AP3B1: variants seen among roughly 807,000 people sequenced by gnomAD.
AP3B1 encodes the protein AP-3 complex subunit beta-1.
A neutral mutation model predicts 132.5 loss-of-function variants in AP3B1; 61 were observed. The observed-to-expected ratio is 0.46, with a 90% CI of 0.37 to 0.57. The LOEUF is 0.57. Ranked by LOEUF, AP3B1 falls within the 20% of genes least tolerant of loss-of-function variation. The pLI is 0.00. For missense variants in AP3B1, 1,120 were observed against 1,289.4 expected, an observed-to-expected ratio of 0.87 and a Z score of 2.01; for synonymous variants, 388 against 438.3, an observed-to-expected ratio of 0.89 and a Z score of 1.43.
chr5:78,125,368 C>T (rs1227322845), intron 17 of AP3B1, among the ~76,000 whole-genome samples: 1 of 152,046 alleles, frequency 6.6e-6, no homozygotes, highest in Non-Finnish European at 1.5e-5. Flanking sequence ...ATTATCTAAA[C>T]CTAGGTCATT....
intron 1 of AP3B1, among the ~76,000 whole-genome samples, chr5:78,283,732 A>G (rs902693555): frequency 2.0e-5 from 3 of 152,106 alleles, no homozygotes; most frequent in Non-Finnish European, 4.4e-5. Flanking sequence ...CTCACTCCAA[A>G]CTTACTCTAT....
At chr5:78,241,596 T>C (rs1480611403) in intron 2 of AP3B1, among the ~76,000 whole-genome samples, 1 of 152,194 alleles carries the variant, frequency 6.6e-6, no homozygotes, top group Non-Finnish European at 1.5e-5. Context: ...CCATTGCTTT[T>C]CAAAGTTGCC....
At chr5:78,123,015 C>T (rs1313170851) in intron 17 of AP3B1, among the ~76,000 whole-genome samples, 5 of 152,144 alleles carry the variant, frequency 3.3e-5, no homozygotes, top group Non-Finnish European at 7.3e-5. Flanking sequence ...ATCAATGGAA[C>T]AGAACAGAGC....
chr5:78,105,215 G>C (rs1751285128), intron 20 of AP3B1, among the ~76,000 whole-genome samples: 2 of 151,996 alleles, frequency 1.3e-5, no homozygotes, highest in South Asian at 4.1e-4. Context: ...TTAGTACACA[G>C]ACACTACAGA....
intron 17 of AP3B1, among the ~76,000 whole-genome samples, chr5:78,120,508 C>A (rs1347205652): frequency 1.3e-5 from 2 of 151,970 alleles, no homozygotes; most frequent in East Asian, 1.9e-4. Context: ...ATCTACCAAG[C>A]AAATGGAAAA....
intron 26 of AP3B1, among the ~76,000 whole-genome samples, chr5:78,011,926 C>T (rs1746640816): frequency 6.6e-6 from 1 of 152,066 alleles, no homozygotes. Flanking sequence ...TTAAATAGAA[C>T]ATAAGCCAGC....
At chr5:78,153,982 C>T (rs917508826) in intron 14 of AP3B1, among the ~76,000 whole-genome samples, 6 of 152,136 alleles carry the variant, frequency 3.9e-5, no homozygotes, top group Admixed American at 1.3e-4. Context: ...GTACTTCATA[C>T]ACCACAATTC....
intron 2 of AP3B1, among the ~76,000 whole-genome samples, chr5:78,258,081 C>T (rs552758015): frequency 6.6e-6 from 1 of 152,310 alleles, no homozygotes; most frequent in African/African-American, 2.4e-5. Context: ...TGGGGAAAAT[C>T]TCCAGGACAT....
chr5:78,294,649 G>T lies in AP3B1; in HGVS notation c.-70C>A. On this transcript the variant is annotated 5_prime_UTR_variant, in exon 1 of 27. Coordinates refer to ENST00000255194, the MANE Select transcript of AP3B1 (RefSeq NM_003664.5). ...TCTCCAAAAGGTTCCAGTCCAGAGG[G>T]CACGGAACAAAACTAGTTCTCGTAC... 1 of 1,608,516 alleles carries T rather than the reference G, an allele frequency of 6.2e-7. No individual in the cohort carries two copies. The highest frequency in any genetic ancestry group is 1.3e-5 in the African/African-American group (1 of 75,044).
At chr5:78,022,590 T>C (rs745349725) in intron 24 of AP3B1, among the ~76,000 whole-genome samples, 15 of 152,352 alleles carry the variant, frequency 9.8e-5, no homozygotes, top group Middle Eastern at 3.4e-3. Context: ...ATATGTGTGA[T>C]AAAGCATATG....
chr5:78,161,662 AC>A (rs2112368474), intron 13 of AP3B1, among the ~76,000 whole-genome samples: 1 of 152,120 alleles, frequency 6.6e-6, no homozygotes, highest in East Asian at 1.9e-4. Flanking sequence ...AAAATTTTAA[AC>A]CTATCGTCTT....
chr5:78,166,116 GTCACACACACACACAC>G (rs1248421032), intron 11 of AP3B1, among the ~76,000 whole-genome samples: 2 of 98,986 alleles, frequency 2.0e-5, no homozygotes, highest in African/African-American at 9.0e-5. Context: ...CTGAAACTCT[GTCACACACACACACAC>G]ACACACACAC....
At chr5:78,066,429 C>T (rs2112153764) in intron 22 of AP3B1, among the ~76,000 whole-genome samples, 1 of 152,272 alleles carries the variant, frequency 6.6e-6, no homozygotes, top group East Asian at 1.9e-4. Context: ...TAAAACACTA[C>T]AGGAGCTGTT....
At chr5:78,256,935 T>C (rs116675244) in intron 2 of AP3B1, among the ~76,000 whole-genome samples, 91 of 152,292 alleles carry the variant, frequency 6.0e-4, no homozygotes, top group African/African-American at 2.1e-3. Context: ...ATCATTTCAA[T>C]TGATGCTGAA....
At chr5:78,283,178 C>T (rs758096633) in intron 1 of AP3B1, among the ~76,000 whole-genome samples, 1 of 152,116 alleles carries the variant, frequency 6.6e-6, no homozygotes, top group Non-Finnish European at 1.5e-5. Flanking sequence ...CCCCATTTTA[C>T]ACATAAGAAA....
At chr5:78,061,174 C>T (rs1375967203) in intron 22 of AP3B1, among the ~76,000 whole-genome samples, 1 of 151,790 alleles carries the variant, frequency 6.6e-6, no homozygotes, top group Admixed American at 6.6e-5. Context: ...TCCCACATCC[C>T]TCATTGATCA....
At chr5:78,057,065 T>C (rs1302033578) in intron 22 of AP3B1, among the ~76,000 whole-genome samples, 4 of 152,202 alleles carry the variant, frequency 2.6e-5, no homozygotes, top group Non-Finnish European at 5.9e-5. Context: ...CATCAACTTG[T>C]AGTACTTTTT....
At chr5:78,258,093 G>C (rs1377478919) in intron 2 of AP3B1, among the ~76,000 whole-genome samples, 1 of 152,202 alleles carries the variant, frequency 6.6e-6, no homozygotes, top group East Asian at 1.9e-4. Context: ...CCAGGACATT[G>C]GTCTGGGCAA....
intron 1 of AP3B1, among the ~76,000 whole-genome samples, chr5:78,281,043 G>GAAA (rs903006406): frequency 6.6e-6 from 1 of 152,008 alleles, no homozygotes; most frequent in African/African-American, 2.4e-5. Context: ...ACCAGAAACA[G>GAAA]AAAAAAAGTC....
Sources: allele counts gnomAD v4.1 joint callset (sites outside exome capture counted in the v4.1 genomes callset), GRCh38; gene constraint gnomAD v4.1.1; transcripts MANE v1.5; gene names NCBI Gene and HGNC (gene_info 2026-07-23, HGNC 2026-07-21).